RHEX: variants seen among roughly 807,000 people sequenced by gnomAD.
RHEX encodes regulator of hemoglobinization and erythroid cell expansion, also known as regulator of hemoglobinization and erythroid cell expansion protein.
A neutral mutation model predicts 20.1 loss-of-function variants in RHEX; 18 were observed. The observed-to-expected ratio is 0.90, with a 90% confidence interval of 0.62 to 1.33. The LOEUF (loss-of-function observed/expected upper bound fraction) is 1.33. RHEX is among the 40% of genes most tolerant of loss of function. RHEX has a pLI of 0.00. For missense variants in RHEX, 192 were observed against 214.3 expected (o/e 0.90, Z 0.65); for synonymous variants, 87 against 77.1 (o/e 1.13, Z -0.67).
intron 1 of RHEX, among the ~76,000 whole-genome samples, chr1:206,071,859 C>CAA (rs1245558004): frequency 1.3e-4 from 6 of 47,306 alleles, no homozygotes; most frequent in Admixed American, 7.2e-4. Flanking sequence ...TCCAACAACT[C>CAA]AAAAAAAAAA....
At chr1:206,096,568 C>T (rs1233473058) in intron 1 of RHEX, among the ~76,000 whole-genome samples, 2 of 152,192 alleles carry the variant, frequency 1.3e-5, no homozygotes, top group Non-Finnish European at 2.9e-5. Flanking sequence ...AGCATCTGTA[C>T]TGAAATTTAT....
At chr1:206,088,245 A>G (rs1316013546) in intron 1 of RHEX, among the ~76,000 whole-genome samples, 1 of 152,236 alleles carries the variant, frequency 6.6e-6, no homozygotes, top group Non-Finnish European at 1.5e-5. Context: ...CTCAATCCCA[A>G]TACCTGGTTT....
intron 1 of RHEX, among the ~76,000 whole-genome samples, chr1:206,057,301 C>A (rs924528173): frequency 3.3e-5 from 5 of 152,240 alleles, no homozygotes; most frequent in Middle Eastern, 3.2e-3. Flanking sequence ...TTCCTATAGA[C>A]CCGGTTCCTG....
intron 1 of RHEX, among the ~76,000 whole-genome samples, chr1:206,062,875 C>T (rs534143481): frequency 6.6e-6 from 1 of 152,340 alleles, no homozygotes; most frequent in South Asian, 2.1e-4. Flanking sequence ...CTTCCGTGAT[C>T]TAGGTCCTGG....
intron 1 of RHEX, among the ~76,000 whole-genome samples, chr1:206,063,941 A>T (rs1181429619): frequency 1.4e-5 from 2 of 143,570 alleles, no homozygotes; most frequent in East Asian, 4.3e-4. Flanking sequence ...CCATCTGGGA[A>T]GTGAGGAGCG....
intron 1 of RHEX, among the ~76,000 whole-genome samples, chr1:206,096,765 G>GTTTT (rs60225298): frequency 8.1e-6 from 1 of 123,240 alleles, no homozygotes; most frequent in Non-Finnish European, 1.7e-5. Context: ...CAAGTCCCCT[G>GTTTT]TTTTTTTTTT....
intron 1 of RHEX, among the ~76,000 whole-genome samples, chr1:206,063,437 G>A (rs904369347): frequency 1.3e-5 from 2 of 152,096 alleles, no homozygotes; most frequent in East Asian, 1.9e-4. Flanking sequence ...TCCCTCTCAC[G>A]CCAAGCCAAA....
At chr1:206,082,516 T>C (rs527315372) in intron 1 of RHEX, among the ~76,000 whole-genome samples, 1 of 146,688 alleles carries the variant, frequency 6.8e-6, no homozygotes, top group Non-Finnish European at 1.5e-5. Context: ...AGACTCCGTC[T>C]CAAAAAAAAA....
At chr1:206,099,521 G>A in intron 3 of RHEX, 134 bp from the exon 4 acceptor site, 4 of 734,052 alleles carry the variant, frequency 5.4e-6, no homozygotes, top group Non-Finnish European at 8.8e-6. Flanking sequence ...GTTTCACCAT[G>A]TTGACCAGGC....
chr1:206,086,562 G>T (rs1226732961), intron 1 of RHEX, among the ~76,000 whole-genome samples: 1 of 152,146 alleles, frequency 6.6e-6, no homozygotes, highest in Non-Finnish European at 1.5e-5. Flanking sequence ...CCCTCCACGG[G>T]GGATTACAAC....
At chr1:206,081,253 C>G (rs1022925396) in intron 1 of RHEX, among the ~76,000 whole-genome samples, 1 of 152,306 alleles carries the variant, frequency 6.6e-6, no homozygotes, top group Non-Finnish European at 1.5e-5. Flanking sequence ...ATCCATGCCA[C>G]AAACATGTAT....
chr1:206,066,739 A>G (rs1662430974), intron 1 of RHEX, among the ~76,000 whole-genome samples: 1 of 152,224 alleles, frequency 6.6e-6, no homozygotes, highest in South Asian at 2.1e-4. Context: ...GGCTGTACAT[A>G]CATATTCAGT....
chr1:206,087,697 AATTT>A (rs1571868212), intron 1 of RHEX, among the ~76,000 whole-genome samples: 1 of 152,340 alleles, frequency 6.6e-6, no homozygotes, highest in East Asian at 1.9e-4. Flanking sequence ...GGTGAGATAT[AATTT>A]ATTTAGATAA....
At chr1:206,100,679 G>C (rs1257161076) in intron 4 of RHEX, among the ~76,000 whole-genome samples, 3 of 152,042 alleles carry the variant, frequency 2.0e-5, no homozygotes, top group African/African-American at 7.3e-5. Context: ...CGAAAACCAG[G>C]GCACAAAAAG....
At chr1:206,098,338 A>G (rs1478772608) in intron 3 of RHEX, 157 bp downstream of exon 3, 3 of 610,794 alleles carry the variant, frequency 4.9e-6, no homozygotes, top group Admixed American at 2.6e-5. Context: ...CCCTCCCCCC[A>G]ATAACTGTAT....
chr1:206,077,027 C>T lies in RHEX; in HGVS notation c.-96-20706C>T, dbSNP rs555787731. The stretch of plus-strand genomic sequence containing the variant: ...CACATGTTTGTGGCATGGATAAATG[C>T]GTGAATTAAGGTGCTGTGTTACATA... On this transcript the variant is annotated intron_variant, in intron 1 of 5. Transcript: ENST00000331555. Among the ~76,000 whole-genome samples, 4 of 152,260 alleles carry T rather than the reference C, an allele frequency of 2.6e-5. No homozygotes were observed. In the East Asian group the frequency reaches 5.8e-4, roughly 22 times the overall value.
chr1:206,078,975 A>G (rs1553285522), intron 1 of RHEX, among the ~76,000 whole-genome samples: 1 of 152,218 alleles, frequency 6.6e-6, no homozygotes, highest in East Asian at 1.9e-4. Context: ...TGAAGTAATA[A>G]TGATAACAAT....
In RHEX at chr1:206,070,162, ACTC is replaced by A. The variant is rs536665845; in HGVS notation, c.-97+16901_-97+16903del. 8.2e-4 allele frequency among the ~76,000 whole-genome samples: 124 copies of A among 151,916 alleles called. 1 individual carries two copies. In the South Asian group the frequency reaches 0.014, roughly 17 times the overall value. ...AGCCCAGGGGTCAAGGGAATGATAA[ACTC>A]CTCGGTCTTGAGCATTGAGAGAAAT... is the stretch of plus-strand genomic sequence containing the variant. On this transcript the variant is annotated intron_variant, in intron 1 of 5. Transcript: ENST00000331555.
intron 1 of RHEX, among the ~76,000 whole-genome samples, chr1:206,076,776 T>G (rs1239086730): frequency 2.6e-5 from 4 of 152,208 alleles, no homozygotes; most frequent in Admixed American, 2.6e-4. Context: ...CAAAAGGAAT[T>G]TAGCTGAAGG....
Sources: allele counts gnomAD v4.1 joint callset (sites outside exome capture counted in the v4.1 genomes callset), GRCh38; gene constraint gnomAD v4.1.1; transcripts MANE v1.5; gene names NCBI Gene and HGNC (gene_info 2026-07-23, HGNC 2026-07-21).